FHIT: variants seen among roughly 807,000 people sequenced by gnomAD.
The protein encoded by FHIT is fragile histidine triad diadenosine triphosphatase.
In FHIT, 19 loss-of-function variants were observed where a neutral mutation model predicts 17.9. The ratio of observed to expected loss-of-function variants is 1.06; its 90% CI spans 0.74 to 1.56. FHIT has a LOEUF of 1.56. Ranked by LOEUF, FHIT falls within the 40% of genes most tolerant of loss-of-function variation. The pLI, the probability that FHIT is intolerant of heterozygous loss-of-function variation, is 0.00. For missense variants in FHIT, 248 were observed against 189.2 expected, an observed-to-expected ratio of 1.31 and a Z score of -1.82; for synonymous variants, 81 against 69.7, an observed-to-expected ratio of 1.16 and a Z score of -0.81.
chr3:61,026,312 G>A (rs2032728256), intron 3 of FHIT, among the ~76,000 whole-genome samples: 1 of 152,102 alleles, frequency 6.6e-6, no homozygotes, highest in African/African-American at 2.4e-5. Flanking sequence ...CTAGGTCTGA[G>A]GCCAGCTCCA....
At chr3:59,929,860 CT>C (rs3047601) in intron 7 of FHIT, among the ~76,000 whole-genome samples, 55,503 of 143,540 alleles carry the variant, frequency 0.39, 10,693 homozygotes, top group Non-Finnish European at 0.44. Context: ...ATGATACACG[CT>C]TTTTTTTTTT....
At chr3:59,875,945 A>G (rs1703138384) in intron 8 of FHIT, among the ~76,000 whole-genome samples, 1 of 131,784 alleles carries the variant, frequency 7.6e-6, no homozygotes. Flanking sequence ...TGATAAAAAA[A>G]GAAAAAAAAA....
intron 5 of FHIT, among the ~76,000 whole-genome samples, chr3:60,310,351 A>G (rs1050723029): frequency 6.6e-6 from 1 of 152,114 alleles, no homozygotes; most frequent in African/African-American, 2.4e-5. Context: ...TGGTGCTGAA[A>G]AGAATAAGGG....
intron 3 of FHIT, among the ~76,000 whole-genome samples, chr3:60,998,322 A>G (rs2030819708): frequency 6.6e-6 from 1 of 152,218 alleles, no homozygotes; most frequent in Non-Finnish European, 1.5e-5. Context: ...ATGTTGTAAT[A>G]TAAAGGAAAT....
intron 4 of FHIT, among the ~76,000 whole-genome samples, chr3:60,625,511 G>C (rs2039260894): frequency 6.6e-6 from 1 of 152,014 alleles, no homozygotes; most frequent in Non-Finnish European, 1.5e-5. Context: ...TTGATGACTA[G>C]TGATGCTGAG....
At chr3:61,174,200 A>C (rs2038091230) in intron 2 of FHIT, among the ~76,000 whole-genome samples, 2 of 152,214 alleles carry the variant, frequency 1.3e-5, no homozygotes. Flanking sequence ...ATTCTGCTTA[A>C]GTAACATAAA....
chr3:61,087,505 T>A (rs902133946), intron 2 of FHIT, among the ~76,000 whole-genome samples: 2 of 152,176 alleles, frequency 1.3e-5, no homozygotes, highest in Admixed American at 1.3e-4. Context: ...ATAATATTGT[T>A]GTAATTATAA....
intron 5 of FHIT, among the ~76,000 whole-genome samples, chr3:60,530,833 G>A (rs549850804): frequency 1.3e-5 from 2 of 152,198 alleles, no homozygotes; most frequent in African/African-American, 2.4e-5. Flanking sequence ...AATGATGACA[G>A]CATCCAATAA....
chr3:60,545,733 G>C (rs1327519501), intron 4 of FHIT, among the ~76,000 whole-genome samples: 1 of 152,106 alleles, frequency 6.6e-6, no homozygotes, highest in Non-Finnish European at 1.5e-5. Flanking sequence ...TGATTTTTTA[G>C]AATTTGAGGC....
chr3:60,224,244 C>G (rs901723280), intron 5 of FHIT, among the ~76,000 whole-genome samples: 1 of 152,152 alleles, frequency 6.6e-6, no homozygotes, highest in Non-Finnish European at 1.5e-5. Flanking sequence ...TCCATTCTTC[C>G]TGGTTCCAGA....
At chr3:60,026,909 G>C (rs1476971269) in intron 5 of FHIT, among the ~76,000 whole-genome samples, 1 of 152,000 alleles carries the variant, frequency 6.6e-6, no homozygotes, top group African/African-American at 2.4e-5. Flanking sequence ...GAGCAGTCTA[G>C]CCAACATGGT....
intron 3 of FHIT, among the ~76,000 whole-genome samples, chr3:60,895,899 G>A (rs1420227519): frequency 2.0e-5 from 3 of 151,070 alleles, no homozygotes; most frequent in Non-Finnish European, 2.9e-5. Flanking sequence ...CTCTGAAACT[G>A]CAATTAGTCA....
At chr3:60,886,676 A>G (rs1237001804) in intron 3 of FHIT, among the ~76,000 whole-genome samples, 2 of 152,168 alleles carry the variant, frequency 1.3e-5, no homozygotes, top group Non-Finnish European at 2.9e-5. Flanking sequence ...CCAAGTACTC[A>G]TTGTCATGAA....
At chr3:59,875,891 T>C (rs1460281248) in intron 8 of FHIT, among the ~76,000 whole-genome samples, 1 of 150,724 alleles carries the variant, frequency 6.6e-6, no homozygotes, top group Non-Finnish European at 1.5e-5. Context: ...TCAGAGTTTT[T>C]CCCAAGCACA....
intron 8 of FHIT, among the ~76,000 whole-genome samples, chr3:59,907,163 G>C (rs1190925404): frequency 2.6e-5 from 4 of 152,198 alleles, no homozygotes; most frequent in Admixed American, 6.5e-5. Context: ...TCGATAGGAA[G>C]CCTTTCTGAT....
chr3:60,775,098 A>C (rs1403793824), intron 4 of FHIT, among the ~76,000 whole-genome samples: 2 of 152,224 alleles, frequency 1.3e-5, no homozygotes, highest in African/African-American at 4.8e-5. Flanking sequence ...CTTTCATATT[A>C]GTTTTTTAAA....
At chr3:60,151,702 G>A (rs1576208471) in intron 5 of FHIT, among the ~76,000 whole-genome samples, 1 of 152,038 alleles carries the variant, frequency 6.6e-6, no homozygotes, top group African/African-American at 2.4e-5. Context: ...CTCCTCGGGG[G>A]CTTTAAACCT....
At chr3:60,427,626 T>C (rs914856856) in intron 5 of FHIT, among the ~76,000 whole-genome samples, 4 of 152,134 alleles carry the variant, frequency 2.6e-5, no homozygotes, top group Non-Finnish European at 5.9e-5. Context: ...TAAATGTGGG[T>C]TAATTTTTCC....
intron 2 of FHIT, among the ~76,000 whole-genome samples, chr3:61,076,444 C>A (rs981732077): frequency 7.9e-5 from 12 of 152,244 alleles, no homozygotes; most frequent in African/African-American, 2.9e-4. Context: ...CATGACATGT[C>A]TCTTGAGGAC....
Sources: gnomAD v4.1 joint callset for allele counts (sites outside exome capture counted in the v4.1 genomes callset) on GRCh38, gnomAD v4.1.1 for gene constraint, MANE v1.5 for transcripts, NCBI Gene and HGNC (gene_info 2026-07-23, HGNC 2026-07-21) for gene names.